The following DYSF variants were observed in gnomAD, a reference collection of about 807,000 sequenced individuals.
The protein encoded by DYSF is dysferlin, also known as dystrophy-associated fer-1-like 1.
A neutral mutation model predicts 274.9 loss-of-function variants in DYSF; 212 were observed. The ratio of observed to expected loss-of-function variants is 0.77; its 90% CI spans 0.69 to 0.86. The LOEUF (loss-of-function observed/expected upper bound fraction) is 0.86, where lower values mean the gene tolerates loss of function less well. Among genes scored for constraint, DYSF ranks in the 40% least tolerant of loss-of-function variants. The pLI is 0.00. For synonymous variants in DYSF, 1,091 were observed against 1,078.7 expected, an observed-to-expected ratio of 1.01 and a Z score of -0.22; for missense variants, 2,666 against 2,783.2, an observed-to-expected ratio of 0.96 and a Z score of 0.95.
At chr2:71,513,686 C>G (rs2086343556) in intron 6 of DYSF, 30 bp from the exon 7 acceptor site, 1 of 1,608,594 alleles carries the variant, frequency 6.2e-7, no homozygotes. Flanking sequence ...CCAGAGGGAT[C>G]CAGGCCTCAT....
chr2:71,603,740 G>C (rs2093596730), intron 36 of DYSF, among the ~76,000 whole-genome samples: 1 of 152,176 alleles, frequency 6.6e-6, no homozygotes, highest in African/African-American at 2.4e-5. Flanking sequence ...TGGAAAGGGA[G>C]GTGGAGTCCT....
At chr2:71,549,572 A>T (rs2090774805) in intron 17 of DYSF, among the ~76,000 whole-genome samples, 1 of 151,888 alleles carries the variant, frequency 6.6e-6, no homozygotes, top group African/African-American at 2.4e-5. Context: ...GGAGCATGTA[A>T]ATCATCTGGA....
At chr2:71,616,003 C>G (rs1303922934) in intron 40 of DYSF, among the ~76,000 whole-genome samples, 1 of 152,212 alleles carries the variant, frequency 6.6e-6, no homozygotes, top group African/African-American at 2.4e-5. Flanking sequence ...TTGGTCCCTT[C>G]CTGTCACTTT....
chr2:71,456,328 C>T (rs537258672), intron 1 of DYSF, among the ~76,000 whole-genome samples: 1 of 152,332 alleles, frequency 6.6e-6, no homozygotes. Context: ...AGTCCCTCCC[C>T]TCCCCCAGCC....
At position 71,481,912 on chromosome 2, in the gene DYSF, G is replaced by A; in HGVS notation, c.181G>A (p.Asp61Asn). Reference sequence around the variant, plus strand: ...ATGGGACCTCAAGGGCATCCCCCTGGACCAGGGCTCTGAGCTTCATGTGGT... The same window carrying A: ...ATGGGACCTCAAGGGCATCCCCCTGAACCAGGGCTCTGAGCTTCATGTGGT... The part of the protein sequence containing the change: ...FEWDLKGIPL[D>N]QGSELHVVVK... Residue 61 changes from aspartate to asparagine, a missense_variant, in exon 3 of 56, where the codon GAC (aspartate) becomes AAC (asparagine). By Grantham distance (23) the Asp-to-Asn change is conservative (BLOSUM62 1). Transcript: ENST00000410020. 6.2e-7 allele frequency: 1 copy of A among 1,614,196 alleles called. No individual in the cohort carries two copies.
chr2:71,645,675 G>A (rs1027711253), intron 42 of DYSF, among the ~76,000 whole-genome samples: 10 of 151,772 alleles, frequency 6.6e-5, no homozygotes, highest in African/African-American at 2.4e-4. Flanking sequence ...TGAAGCCCTC[G>A]CCAGGGACAC....
At chr2:71,515,962 A>G (rs1223799763) in intron 8 of DYSF, among the ~76,000 whole-genome samples, 1 of 152,184 alleles carries the variant, frequency 6.6e-6, no homozygotes, top group Middle Eastern at 3.2e-3. Context: ...CTGTCACCCT[A>G]TAGGGCCAGC....
At chr2:71,464,640 G>A (rs1302134691), upstream of DYSF, among the ~76,000 whole-genome samples, 1 of 151,888 alleles carries the variant, frequency 6.6e-6, no homozygotes, top group African/African-American at 2.4e-5. Context: ...CACGTAAGGG[G>A]AGAGTGGCTG....
At chr2:71,654,533 T>C (rs1163934543) in intron 42 of DYSF, among the ~76,000 whole-genome samples, 1 of 152,124 alleles carries the variant, frequency 6.6e-6, no homozygotes, top group African/African-American at 2.4e-5. Context: ...CAGTAATCCC[T>C]GCACTTTGGG....
chr2:71,465,602 C>A (rs772871156), upstream of DYSF, among the ~76,000 whole-genome samples: 1 of 152,140 alleles, frequency 6.6e-6, no homozygotes. Context: ...TTGGATTCGC[C>A]AGGGTTATGG....
At chr2:71,568,747 G>C (rs779268818) in intron 26 of DYSF, among the ~76,000 whole-genome samples, 2 of 152,024 alleles carry the variant, frequency 1.3e-5, no homozygotes, top group Non-Finnish European at 2.9e-5. Context: ...TTTTTGTAGA[G>C]ACAGGGTCTC....
Position 71,553,929 on chromosome 2 carries a change from C to G in DYSF, c.2107C>G (p.Leu703Val), listed in dbSNP as rs74423119. ...QNQLLGIADR[L>V]EAGLEQVHLA... is the part of the protein sequence containing the mutation. Reference sequence around the variant, plus strand: ...CCAGCTGCTTGGGATTGCTGACCGGCTGGTGAGTGAAAACTTGCCCAAAGC... The same window carrying G: ...CCAGCTGCTTGGGATTGCTGACCGGGTGGTGAGTGAAAACTTGCCCAAAGC... The change falls in exon 21 of 56, where the codon CTG becomes GTG. Residue 703 changes from leucine to valine, a missense_variant and splice_region_variant. Transcript: ENST00000410020. 872 of 1,614,172 alleles carry G rather than the reference C, an allele frequency of 5.4e-4. 5 individuals are homozygous for G. The African/African-American group carries it at 0.011, about 20-fold the overall frequency.
At chr2:71,601,586 G>A in intron 35 of DYSF, 58 bp downstream of exon 35, 1 of 1,610,338 alleles carries the variant, frequency 6.2e-7, no homozygotes, top group South Asian at 1.1e-5. Context: ...CCTGTGTTTG[G>A]CATCTCTCTG....
chr2:71,464,320 A>C (rs1006480235), upstream of DYSF, among the ~76,000 whole-genome samples: 2 of 152,100 alleles, frequency 1.3e-5, no homozygotes, highest in African/African-American at 2.4e-5. Flanking sequence ...ACAGACAAAA[A>C]CCCCTGGCTC....
At chr2:71,501,377 C>T (rs1404069276) in intron 3 of DYSF, among the ~76,000 whole-genome samples, 6 of 152,142 alleles carry the variant, frequency 3.9e-5, no homozygotes, top group Non-Finnish European at 8.8e-5. Context: ...TGTTGAGAAG[C>T]TTAAATAAGT....
intron 51 of DYSF, among the ~76,000 whole-genome samples, chr2:71,670,743 A>G (rs890830602): frequency 6.6e-6 from 1 of 152,312 alleles, no homozygotes; most frequent in South Asian, 2.1e-4. Context: ...TGGTAGGACC[A>G]GGCCTGCCCT....
intron 48 of DYSF, among the ~76,000 whole-genome samples, chr2:71,668,420 C>T (rs2095055982): frequency 6.6e-6 from 1 of 152,136 alleles, no homozygotes; most frequent in African/African-American, 2.4e-5. Flanking sequence ...CCATGGAAGC[C>T]TTCTGAGCCC....
intron 30 of DYSF, among the ~76,000 whole-genome samples, chr2:71,584,796 A>G (rs964264600): frequency 6.6e-6 from 1 of 152,214 alleles, no homozygotes; most frequent in African/African-American, 2.4e-5. Context: ...GCAGCCAAGG[A>G]GGTGCCCATA....
At chr2:71,560,596 C>A (rs937108203) in intron 22 of DYSF, among the ~76,000 whole-genome samples, 4 of 152,186 alleles carry the variant, frequency 2.6e-5, no homozygotes, top group Non-Finnish European at 2.9e-5. Context: ...CTGCTCCCCC[C>A]ATCCTAAAAA....
Sources: allele counts gnomAD v4.1 joint callset (sites outside exome capture counted in the v4.1 genomes callset), GRCh38; gene constraint gnomAD v4.1.1; transcripts MANE v1.5; gene names NCBI Gene and HGNC (gene_info 2026-07-23, HGNC 2026-07-21).